SLC30A7: variants seen among roughly 807,000 people sequenced by gnomAD.
The protein encoded by SLC30A7 is solute carrier family 30 member 7, also known as zinc transporter 7.
In SLC30A7, 35 loss-of-function variants were observed where a neutral mutation model predicts 46.0. The ratio of observed to expected loss-of-function variants is 0.76; its 90% CI spans 0.58 to 1.01. The LOEUF (loss-of-function observed/expected upper bound fraction) is 1.01. SLC30A7 is among the 50% of genes least tolerant of loss of function. The pLI is 0.00. For missense variants in SLC30A7, 464 were observed against 451.1 expected (o/e 1.03, Z -0.26); for synonymous variants, 147 against 157.8 (o/e 0.93, Z 0.51).
chr1:100,947,804 C>A (rs1654730120), intron 8 of SLC30A7, among the ~76,000 whole-genome samples: 1 of 152,124 alleles, frequency 6.6e-6, no homozygotes, highest in South Asian at 2.1e-4. Context: ...TATGTAATGG[C>A]CTTCTTTTGT....
intron 6 of SLC30A7, among the ~76,000 whole-genome samples, chr1:100,915,788 A>G (rs1305609559): frequency 6.6e-6 from 1 of 152,180 alleles, no homozygotes; most frequent in Non-Finnish European, 1.5e-5. Flanking sequence ...TCTCATGGAT[A>G]TATACCCAGT....
chr1:100,941,197 T>C (rs1654324584), intron 8 of SLC30A7: 1 of 374,298 alleles, frequency 2.7e-6, no homozygotes, highest in African/African-American at 2.1e-5. Flanking sequence ...TCATTGTAGC[T>C]TTCAGCACCT....
At position 100,948,397 on chromosome 1, in the gene SLC30A7, C is replaced by A. The variant is rs184589224; in HGVS notation, c.843-13431C>A. Among the ~76,000 whole-genome samples the A allele has an allele frequency of 6.1e-3, 925 of 152,302 alleles. 12 individuals carry two copies. The highest frequency in any genetic ancestry group is 0.022 in the African/African-American group (898 of 41,572). On this transcript the variant is annotated intron_variant, in intron 8 of 10. Coordinates refer to ENST00000357650, the MANE Select transcript of SLC30A7 (RefSeq NM_133496.5). Reference sequence around the variant, plus strand: ...CACTCTCTTCTGGCTTTTAGGGTTTCTGCTGAGAGATCCACTGTTTGTCTG... The same window carrying A: ...CACTCTCTTCTGGCTTTTAGGGTTTATGCTGAGAGATCCACTGTTTGTCTG...
chr1:100,950,161 C>T (rs1197711319), intron 8 of SLC30A7, among the ~76,000 whole-genome samples: 1 of 152,182 alleles, frequency 6.6e-6, no homozygotes, highest in African/African-American at 2.4e-5. Flanking sequence ...ATGTTAATTT[C>T]AAACTCTCCA....
chr1:100,950,593 T>C (rs1271091743), intron 8 of SLC30A7, among the ~76,000 whole-genome samples: 1 of 152,186 alleles, frequency 6.6e-6, no homozygotes, highest in East Asian at 1.9e-4. Context: ...CCACTGGGGT[T>C]ATTTTTACTG....
rs1001037791 is a variant in SLC30A7, at chr1:100,974,882, T to C, written c.*25T>C. 54 of 1,593,008 alleles carry C rather than the reference T, an allele frequency of 3.4e-5. No individual in the cohort carries two copies. Among genetic ancestry groups the C allele is most frequent in the Non-Finnish European group, 4.6e-5 (53 of 1,164,752 alleles). The stretch of plus-strand genomic sequence containing the variant: ...GTGAATGGAAAGAAATTATGCACCT[T>C]TTATGGACCAAATTTTTCTGGTACT... On this transcript the variant is annotated 3_prime_UTR_variant, in exon 11 of 11. Transcript: ENST00000357650.
At chr1:100,907,074 T>A in intron 3 of SLC30A7, 109 bp downstream of exon 3, 1 of 689,478 alleles carries the variant, frequency 1.5e-6, no homozygotes, top group Non-Finnish European at 2.4e-6. Flanking sequence ...GTGTAACTTT[T>A]GAATCTTTGA....
At chr1:100,973,069 A>G (rs957329064) in intron 10 of SLC30A7, among the ~76,000 whole-genome samples, 35 of 151,802 alleles carry the variant, frequency 2.3e-4, no homozygotes, top group Non-Finnish European at 2.8e-4. Context: ...AAAAAAAAAA[A>G]GAAAAAAAAG....
At chr1:100,904,660 G>C (rs1423368997) in intron 2 of SLC30A7, among the ~76,000 whole-genome samples, 1 of 152,124 alleles carries the variant, frequency 6.6e-6, no homozygotes, top group East Asian at 1.9e-4. Flanking sequence ...TTGTCTGTCA[G>C]ACCACTAGTT....
chr1:100,911,432 G>A (rs955419783), intron 4 of SLC30A7, among the ~76,000 whole-genome samples: 1 of 151,936 alleles, frequency 6.6e-6, no homozygotes, highest in African/African-American at 2.4e-5. Flanking sequence ...AGGTCAGTAG[G>A]GAAATATTTC....
Position 100,918,066 on chromosome 1 carries a change from A to G in SLC30A7, c.656-11A>G. The stretch of plus-strand genomic sequence containing the variant: ...TGAAAACATGTTTTAAAATAACTTA[A>G]TTCTCTACAGATGGCCCGTCCTTAA... On this transcript the variant is annotated splice_polypyrimidine_tract_variant and intron_variant, in intron 6 of 10. Coordinates refer to ENST00000357650, the MANE Select transcript of SLC30A7 (RefSeq NM_133496.5). 6.2e-7 allele frequency: 1 copy of G among 1,608,834 alleles called. No homozygotes were observed. The highest frequency in any genetic ancestry group is 8.5e-7 in the Non-Finnish European group (1 of 1,176,628).
At chr1:100,942,344 A>T (rs745883631) in intron 8 of SLC30A7, among the ~76,000 whole-genome samples, 2 of 152,224 alleles carry the variant, frequency 1.3e-5, no homozygotes, top group Non-Finnish European at 2.9e-5. Context: ...ATTTGCAAAA[A>T]ATATAAAAGA....
chr1:100,966,616 T>TC (rs1203647086), intron 10 of SLC30A7, among the ~76,000 whole-genome samples: 5 of 152,098 alleles, frequency 3.3e-5, no homozygotes, highest in African/African-American at 1.2e-4. Flanking sequence ...TTTTTTTTTT[T>TC]CCGAACACAG....
chr1:100,944,742 T>A (rs1254932089), intron 8 of SLC30A7, among the ~76,000 whole-genome samples: 1 of 150,534 alleles, frequency 6.6e-6, no homozygotes, highest in Non-Finnish European at 1.5e-5. Context: ...AAGTCTGCTA[T>A]TGTGAATAGT....
At chr1:100,897,182 T>G (rs1651023706) in intron 2 of SLC30A7, among the ~76,000 whole-genome samples, 1 of 152,154 alleles carries the variant, frequency 6.6e-6, no homozygotes, top group Non-Finnish European at 1.5e-5. Context: ...ATGCCGAAAC[T>G]GTCTCATGAT....
At chr1:100,930,000 G>C (rs1480624280) in intron 8 of SLC30A7, among the ~76,000 whole-genome samples, 1 of 151,912 alleles carries the variant, frequency 6.6e-6, no homozygotes, top group East Asian at 1.9e-4. Flanking sequence ...CTGCAGTTTA[G>C]AGACGAGGCA....
rs931705253 is a variant in SLC30A7 at position 100,921,847 on chromosome 1, T to C, written c.842+6T>C. On this transcript the variant is annotated splice_donor_region_variant and intron_variant, in intron 8 of 10. Coordinates refer to ENST00000357650, the MANE Select transcript of SLC30A7 (RefSeq NM_133496.5). ...GCCATTCTTATAGTTGTAAGGTAAG[T>C]GTTATTGTTACTTTCAAGTATTAAA... The C allele has an allele frequency of 5.6e-6, 9 of 1,610,088 alleles. No individual in the cohort carries two copies. Among genetic ancestry groups the C allele is most frequent in the Admixed American group, 1.7e-5 (1 of 59,800 alleles).
rs1002709348 is a variant in SLC30A7, at chr1:100,981,098, A to G, written c.*6241A>G. The stretch of plus-strand genomic sequence containing the variant: ...ATCTGTTTTCATTGTTATTTCCACT[A>G]TAGAACTTCTACTTTATACTAGCGG... On this transcript the variant is annotated 3_prime_UTR_variant, in exon 11 of 11. Coordinates refer to ENST00000357650, the MANE Select transcript of SLC30A7 (RefSeq NM_133496.5). The G allele has an allele frequency of 5.3e-5, 8 of 152,202 alleles. No individual in the cohort carries two copies. The South Asian group carries it at 1.0e-3, about 20-fold the overall frequency. The allele number at this position is 152,202 out of a possible 1,614,324, so 9.4% of individuals were successfully genotyped here.
At chr1:100,932,827 A>G (rs542543256) in intron 8 of SLC30A7, among the ~76,000 whole-genome samples, 1 of 152,316 alleles carries the variant, frequency 6.6e-6, no homozygotes, top group African/African-American at 2.4e-5. Context: ...AATTTAATCA[A>G]GGGCCCCCTC....
Sources: gnomAD v4.1 joint callset for allele counts (sites outside exome capture counted in the v4.1 genomes callset) on GRCh38, gnomAD v4.1.1 for gene constraint, MANE v1.5 for transcripts, NCBI Gene and HGNC (gene_info 2026-07-23, HGNC 2026-07-21) for gene names.